STARD13: variants seen among roughly 807,000 people sequenced by gnomAD.
STARD13 encodes stAR-related lipid transfer protein 13.
In STARD13, 62 loss-of-function variants were observed where a neutral mutation model predicts 106.4. That is an observed-to-expected ratio of 0.58 (90% CI 0.48 to 0.72). STARD13 has a LOEUF of 0.72. Ranked by LOEUF, STARD13 falls within the 30% of genes least tolerant of loss-of-function variation. The pLI, the probability that STARD13 is intolerant of heterozygous loss-of-function variation, is 0.00. For missense variants in STARD13, 1,387 were observed against 1,424.0 expected, an observed-to-expected ratio of 0.97 and a Z score of 0.42; for synonymous variants, 565 against 553.0, an observed-to-expected ratio of 1.02 and a Z score of -0.31.
At chr13:33,433,533 T>A in the STARD13 span, among the ~76,000 whole-genome samples, 3 of 148,196 alleles carry the variant, frequency 2.0e-5, no homozygotes, top group African/African-American at 5.3e-5. Context: ...TCCTGCTACG[T>A]CACGTTCCGC....
At chr13:33,637,145 T>C in the STARD13 span, among the ~76,000 whole-genome samples, 1 of 152,180 alleles carries the variant, frequency 6.6e-6, no homozygotes, top group Non-Finnish European at 1.5e-5. Context: ...ACTGTCATCA[T>C]CTGGAAAGAG....
the STARD13 span, among the ~76,000 whole-genome samples, chr13:33,635,130 A>G: frequency 7.9e-4 from 120 of 152,296 alleles, no homozygotes; most frequent in African/African-American, 2.7e-3. Context: ...TCGCTTTAGA[A>G]AATGCTTCCC....
At chr13:33,441,602 G>C in the STARD13 span, among the ~76,000 whole-genome samples, 1 of 152,252 alleles carries the variant, frequency 6.6e-6, no homozygotes, top group Middle Eastern at 3.4e-3. Flanking sequence ...AGTAAATATT[G>C]GTTGATTATT....
Position 33,173,089 on chromosome 13 carries a change from C to T in STARD13, c.170-5467G>A, listed in dbSNP as rs545143962. ...GTTTCTAAAAGACTACGGGTACCAG[C>T]ATAGCAGGATGACTCAGCCACCACA... is the stretch of plus-strand genomic sequence containing the variant. On this transcript the variant is annotated intron_variant, in intron 1 of 13. Coordinates refer to ENST00000336934, the MANE Select transcript of STARD13 (RefSeq NM_178006.4). 2.2e-4 allele frequency among the ~76,000 whole-genome samples: 33 copies of T among 152,272 alleles called. 1 individual carries two copies. Among genetic ancestry groups the T allele is most frequent in the African/African-American group, 7.2e-4 (30 of 41,568 alleles).
chr13:33,317,535 A>T (rs1418265813), intron 1 of STARD13, among the ~76,000 whole-genome samples: 1 of 152,128 alleles, frequency 6.6e-6, no homozygotes, highest in East Asian at 1.9e-4. Context: ...TGTCTGGAAC[A>T]CTCATCCCCC....
At chr13:33,167,817 G>A (rs931837922) in intron 1 of STARD13, among the ~76,000 whole-genome samples, 195 bp from the exon 2 acceptor site, 3 of 152,068 alleles carry the variant, frequency 2.0e-5, no homozygotes, top group Non-Finnish European at 4.4e-5. Flanking sequence ...CTTGTTATGT[G>A]TCTGCTAAGA....
chr13:33,422,757 A>T, the STARD13 span, among the ~76,000 whole-genome samples: 9 of 152,160 alleles, frequency 5.9e-5, 1 homozygote, highest in Admixed American at 5.9e-4. Context: ...ATATAGACCA[A>T]TGGAACAGAA....
chr13:33,597,221 T>C, the STARD13 span, among the ~76,000 whole-genome samples: 1 of 152,238 alleles, frequency 6.6e-6, no homozygotes, highest in Non-Finnish European at 1.5e-5. Flanking sequence ...TTTTTGACAA[T>C]AGCCATTCTA....
chr13:33,520,698 A>G, the STARD13 span, among the ~76,000 whole-genome samples: 1 of 151,952 alleles, frequency 6.6e-6, no homozygotes, highest in African/African-American at 2.4e-5. Context: ...TGTTCTTCCA[A>G]AAATCCTTGG....
At chr13:33,480,744 A>T in the STARD13 span, among the ~76,000 whole-genome samples, 1 of 152,154 alleles carries the variant, frequency 6.6e-6, no homozygotes, top group Non-Finnish European at 1.5e-5. Flanking sequence ...AGAAACAATG[A>T]CTAGTGTAGT....
chr13:33,379,428 G>A, the STARD13 span, among the ~76,000 whole-genome samples: 18 of 152,180 alleles, frequency 1.2e-4, no homozygotes, highest in Non-Finnish European at 2.6e-4. Flanking sequence ...AATGCATAAT[G>A]TAAATTATAC....
rs555802678 is a variant in STARD13, at chr13:33,129,341, G to A, written c.1336C>T (p.Leu446Phe). The change falls in exon 5 of 14, where the codon CTC becomes TTC. Residue 446 changes from leucine (L) to phenylalanine (F), a missense_variant. Physicochemically the swap from Leu to Phe is conservative, Grantham distance 22. Coordinates refer to ENST00000336934, the MANE Select transcript of STARD13 (RefSeq NM_178006.4). ...CTGGCTCTGTGGCAGGACGCCATGAGCCGGGGCTCCCTGGCACCAGGGACC... is the reference window on the plus strand; with the variant it reads ...CTGGCTCTGTGGCAGGACGCCATGAACCGGGGCTCCCTGGCACCAGGGACC... ...EQVPGAREPR[L>F]MASCHRASRV... 2.4e-5 allele frequency: 39 copies of A among 1,614,178 alleles called. No individual in the cohort carries two copies. In the South Asian group the frequency reaches 3.4e-4, roughly 14 times the overall value.
chr13:33,430,454 G>A, the STARD13 span, among the ~76,000 whole-genome samples: 1 of 152,164 alleles, frequency 6.6e-6, no homozygotes, highest in African/African-American at 2.4e-5. Context: ...TGTGGAGAAA[G>A]TAGAATTTGT....
intron 1 of STARD13, among the ~76,000 whole-genome samples, chr13:33,311,896 G>T (rs866472531): frequency 2.6e-5 from 4 of 152,314 alleles, no homozygotes; most frequent in Middle Eastern, 3.4e-3. Context: ...GGATTATCCA[G>T]TAAGTTCTAT....
At chr13:33,267,455 C>T (rs1021207652) in intron 1 of STARD13, among the ~76,000 whole-genome samples, 4 of 152,206 alleles carry the variant, frequency 2.6e-5, no homozygotes, top group Non-Finnish European at 5.9e-5. Context: ...ACTCTCCCCA[C>T]ACAGATGTCC....
At chr13:33,199,257 T>C (rs893678004) in intron 1 of STARD13, among the ~76,000 whole-genome samples, 7 of 152,226 alleles carry the variant, frequency 4.6e-5, no homozygotes, top group Admixed American at 3.3e-4. Flanking sequence ...AATCATTCTT[T>C]CTTGAATTGT....
chr13:33,165,147 A>G (rs991864047), intron 3 of STARD13, among the ~76,000 whole-genome samples, 190 bp downstream of exon 3: 1 of 151,926 alleles, frequency 6.6e-6, no homozygotes, highest in Non-Finnish European at 1.5e-5. Context: ...CCCTGCTAGG[A>G]TTTAAGCTCC....
At chr13:33,140,474 A>T (rs1011412561) in intron 4 of STARD13, among the ~76,000 whole-genome samples, 16 of 152,168 alleles carry the variant, frequency 1.1e-4, no homozygotes, top group African/African-American at 3.6e-4. Flanking sequence ...CCACATTTTA[A>T]ATTTGTCTTT....
chr13:33,111,537 C>T (rs975811407), intron 10 of STARD13, among the ~76,000 whole-genome samples: 7 of 152,224 alleles, frequency 4.6e-5, no homozygotes, highest in Non-Finnish European at 1.0e-4. Flanking sequence ...CTGATAATGG[C>T]AGGTGATGCA....
Sources: allele counts gnomAD v4.1 joint callset (sites outside exome capture counted in the v4.1 genomes callset), GRCh38; gene constraint gnomAD v4.1.1; transcripts MANE v1.5; gene names NCBI Gene and HGNC (gene_info 2026-07-23, HGNC 2026-07-21).